The following SMARCAD1 variants were observed in gnomAD, a reference collection of about 807,000 sequenced individuals.
SMARCAD1 encodes the protein SWI/SNF-related matrix-associated actin-dependent regulator of chromatin subfamily A containing DEAD/H box 1.
In SMARCAD1, 25 loss-of-function variants were observed where a neutral mutation model predicts 127.1. That is an observed-to-expected ratio of 0.20 (90% CI 0.14 to 0.27). SMARCAD1 has a LOEUF of 0.27. Ranked by LOEUF, SMARCAD1 falls within the 10% of genes least tolerant of loss-of-function variation. The pLI is 1.00. For synonymous variants in SMARCAD1, 400 were observed against 396.9 expected, an observed-to-expected ratio of 1.01 and a Z score of -0.09; for missense variants, 807 against 1,206.0, an observed-to-expected ratio of 0.67 and a Z score of 4.90.
chr4:94,242,070 C>T (rs1048172069), intron 6 of SMARCAD1, among the ~76,000 whole-genome samples: 1 of 151,974 alleles, frequency 6.6e-6, no homozygotes, highest in Non-Finnish European at 1.5e-5. Flanking sequence ...GAGTCTTACT[C>T]TGTCCCAGGC....
chr4:94,267,499 G>C (rs529518506), intron 10 of SMARCAD1, among the ~76,000 whole-genome samples: 1 of 152,078 alleles, frequency 6.6e-6, no homozygotes, highest in African/African-American at 2.4e-5. Context: ...ATGTACCCCT[G>C]TTGTTTCTAT....
In SMARCAD1 at chr4:94,212,672, A is replaced by G. The variant is rs145459039; in HGVS notation, c.190+4088A>G. ...CGGCTAATTTTTGTATTTTTAGTAG[A>G]GACAGGGTTTCACCATGTTAGCCAG... On this transcript the variant is annotated intron_variant, in intron 2 of 23. Transcript: ENST00000354268. 9.0e-3 allele frequency among the ~76,000 whole-genome samples: 1,373 copies of G among 152,060 alleles called. 24 individuals carry two copies. The highest frequency in any genetic ancestry group is 0.031 in the African/African-American group (1,276 of 41,450).
intron 8 of SMARCAD1, among the ~76,000 whole-genome samples, 173 bp downstream of exon 8, chr4:94,251,006 T>C (rs1430472674): frequency 2.6e-5 from 4 of 152,212 alleles, no homozygotes; most frequent in African/African-American, 9.6e-5. Context: ...TTTAAATGTT[T>C]TGACCTGCCT....
chr4:94,272,810 T>C (rs1257624347), intron 11 of SMARCAD1, among the ~76,000 whole-genome samples: 2 of 152,150 alleles, frequency 1.3e-5, no homozygotes, highest in Non-Finnish European at 2.9e-5. Context: ...TTTTTCTTTC[T>C]TTCCTTTTTC....
At chr4:94,218,538 C>T (rs1006106086) in intron 2 of SMARCAD1, among the ~76,000 whole-genome samples, 2 of 152,008 alleles carry the variant, frequency 1.3e-5, no homozygotes, top group Admixed American at 6.6e-5. Context: ...AGTGATCCAC[C>T]TGCCTTGGCC....
chr4:94,273,215 T>C (rs992447725), intron 11 of SMARCAD1, among the ~76,000 whole-genome samples: 5 of 152,208 alleles, frequency 3.3e-5, no homozygotes, highest in African/African-American at 1.2e-4. Flanking sequence ...TTCTTAAGGG[T>C]AGAATTGCTG....
At chr4:94,250,638 C>A in intron 7 of SMARCAD1, 114 bp from the exon 8 acceptor site, 2 of 639,916 alleles carry the variant, frequency 3.1e-6, no homozygotes, top group East Asian at 2.8e-5. Context: ...GCAAAATAAT[C>A]AGATGTGAAT....
chr4:94,208,321 T>C (rs1404233135), intron 1 of SMARCAD1, 25 bp from the exon 2 acceptor site: 1 of 1,503,178 alleles, frequency 6.7e-7, no homozygotes, highest in African/African-American at 1.4e-5. Context: ...TGGCCTTTTT[T>C]CCTCTCTTTA....
intron 9 of SMARCAD1, chr4:94,253,689 G>A (rs1057187093): frequency 1.0e-6 from 1 of 995,574 alleles, no homozygotes; most frequent in African/African-American, 1.7e-5. Context: ...CACTTTGCAT[G>A]ATCATTTTCT....
intron 6 of SMARCAD1, among the ~76,000 whole-genome samples, chr4:94,241,339 C>T (rs1437241154): frequency 6.6e-6 from 1 of 152,082 alleles, no homozygotes; most frequent in Non-Finnish European, 1.5e-5. Context: ...TAAATTTATC[C>T]AGTATTAATT....
At position 94,273,577 on chromosome 4, in the gene SMARCAD1, T is replaced by TTGTTTTAAAATGTTATATATTG. The variant is rs756932532; in HGVS notation, c.1573-38_1573-17dup. 2.8e-6 allele frequency: 4 copies of TTGTTTTAAAATGTTATATATTG among 1,405,810 alleles called. No homozygotes were observed. The South Asian group carries it at 4.8e-5, about 17-fold the overall frequency. The allele number at this position is 1,405,810 out of a possible 1,614,324, so 87.1% of individuals were successfully genotyped here. A position where few individuals can be genotyped will look rare whatever the true frequency, so the allele number is the denominator to read the frequency against. ...GTATTTTTATGTATTTATTTTTTGTTTGTTTTAAAATGTTATATATTGTCT... is the reference window on the plus strand; with the variant it reads ...GTATTTTTATGTATTTATTTTTTGTTTGTTTTAAAATGTTATATATTGTGTTTTAAAATGTTATATATTGTCT... On this transcript the variant is annotated intron_variant, in intron 11 of 23. Coordinates refer to ENST00000354268, the MANE Select transcript of SMARCAD1 (RefSeq NM_020159.5).
intron 21 of SMARCAD1, among the ~76,000 whole-genome samples, chr4:94,282,341 C>T (rs1466610144): frequency 1.3e-5 from 2 of 151,276 alleles, no homozygotes; most frequent in Non-Finnish European, 2.9e-5. Flanking sequence ...CGTGATCCGC[C>T]CGCCTCGGCC....
At chr4:94,242,850 A>C (rs1286100943) in intron 6 of SMARCAD1, among the ~76,000 whole-genome samples, 1 of 152,086 alleles carries the variant, frequency 6.6e-6, no homozygotes, top group African/African-American at 2.4e-5. Context: ...CAGAAGGTTG[A>C]GGCTTCAGTG....
At position 94,276,511 on chromosome 4, in the gene SMARCAD1, A is replaced by G. The variant is rs529556855; in HGVS notation, c.1944+37A>G. 72 of 1,609,262 alleles carry G rather than the reference A, an allele frequency of 4.5e-5. No individual in the cohort carries two copies. The African/African-American group carries it at 8.5e-4, about 19-fold the overall frequency. The stretch of plus-strand genomic sequence containing the variant: ...TTTGTAAAGTTTTCCAAATTACTGT[A>G]AAATTTAGATTACGTAATTTAATAT... On this transcript the variant is annotated intron_variant, in intron 15 of 23. Transcript: ENST00000354268.
At chr4:94,228,538 A>G (rs1745365230) in intron 3 of SMARCAD1, among the ~76,000 whole-genome samples, 1 of 152,158 alleles carries the variant, frequency 6.6e-6, no homozygotes, top group African/African-American at 2.4e-5. Flanking sequence ...AATGTCCTTT[A>G]GAGCATTGCT....
At position 94,207,912 on chromosome 4, in the gene SMARCAD1, C is replaced by A. The variant is rs1179818369; in HGVS notation, c.-208C>A. On this transcript the variant is annotated 5_prime_UTR_variant, in exon 1 of 24. Coordinates refer to ENST00000354268, the MANE Select transcript of SMARCAD1 (RefSeq NM_020159.5). ...CCGCCAGCACGGCCTCCGCCGCTCC[C>A]CTTCTTTGGCCCCTTTGTGTCCCCG... 3.0e-6 allele frequency: 1 copy of A among 337,804 alleles called. No individual in the cohort carries two copies. Among genetic ancestry groups the A allele is most frequent in the Non-Finnish European group, 5.8e-6 (1 of 172,136 alleles). The allele number at this position is 337,804 out of a possible 1,614,324, so 20.9% of individuals were successfully genotyped here.
At chr4:94,220,041 T>G (rs781151489) in intron 2 of SMARCAD1, among the ~76,000 whole-genome samples, 1 of 152,244 alleles carries the variant, frequency 6.6e-6, no homozygotes, top group Non-Finnish European at 1.5e-5. Flanking sequence ...TTTATGGTAC[T>G]ACTTAAAAGT....
intron 6 of SMARCAD1, among the ~76,000 whole-genome samples, chr4:94,241,846 A>G (rs1212956488): frequency 1.3e-5 from 2 of 152,168 alleles, no homozygotes; most frequent in African/African-American, 4.8e-5. Context: ...CCCAGTTGCC[A>G]TGGCCATTTG....
In SMARCAD1 at chr4:94,280,631, G is replaced by C. The variant is rs1403069906; in HGVS notation, c.2458G>C (p.Glu820Gln). 1 of 1,613,668 alleles carries C rather than the reference G, an allele frequency of 6.2e-7. No individual in the cohort carries two copies. Among genetic ancestry groups the C allele is most frequent in the Non-Finnish European group, 8.5e-7 (1 of 1,179,858 alleles). ...TGAGGCTAACCCTGACCTGATCTTT[G>C]AAGATATGGAAGTTATGACAGACTT... Reference protein sequence around the residue: ...HCEANPDLIFEDMEVMTDFEL... With the variant: ...HCEANPDLIFQDMEVMTDFEL... The change falls in exon 20 of 24, where the codon GAA becomes CAA. Residue 820 changes from glutamate to glutamine, a missense_variant. Physicochemically the swap from Glu to Gln is conservative, Grantham distance 29. Transcript: ENST00000354268.
Sources: allele counts gnomAD v4.1 joint callset (sites outside exome capture counted in the v4.1 genomes callset), GRCh38; gene constraint gnomAD v4.1.1; transcripts MANE v1.5; gene names NCBI Gene and HGNC (gene_info 2026-07-23, HGNC 2026-07-21).